Variants in ZIC4 observed in about 807,000 individuals in gnomAD.
ZIC4 encodes the protein Zic family zinc finger 4.
Under a neutral mutation model 28.8 loss-of-function variants are expected in ZIC4, and 15 were observed. The ratio of observed to expected loss-of-function variants is 0.52; its 90% CI spans 0.35 to 0.80. ZIC4 has a LOEUF of 0.80. ZIC4 is among the 30% of genes least tolerant of loss of function. The pLI, the probability that ZIC4 is intolerant of heterozygous loss-of-function variation, is 0.01. For synonymous variants in ZIC4, 220 were observed against 198.1 expected, an observed-to-expected ratio of 1.11 and a Z score of -0.93; for missense variants, 512 against 467.1, an observed-to-expected ratio of 1.10 and a Z score of -0.89.
intron 1 of ZIC4, chr3:147,405,512 C>T: frequency 6.5e-7 from 1 of 1,528,746 alleles, no homozygotes; most frequent in South Asian, 1.2e-5. Context: ...CCAGTCCTAG[C>T]TTTCTTTCAC....
chr3:147,395,990 G>T lies in ZIC4; in HGVS notation c.550C>A (p.Pro184Thr), dbSNP rs746961837. The change falls in exon 3 of 5, where the codon CCC (proline) becomes ACC (threonine). Residue 184 changes from proline to threonine, a missense_variant. Around this residue, in one of 3 missense-constraint regions of ZIC4, gnomAD observed 310 missense variants for 256.5 expected, o/e 1.21. Coordinates refer to ENST00000383075, the MANE Select transcript of ZIC4 (RefSeq NM_032153.6). ...FWEECPRQGK[P>T]FKAKYKLVNH... ...ACAAGTTTGTATTTGGCTTTGAAGG[G>T]CTTTCCCTGGCGCGGACACTCCTCC... is the stretch of plus-strand genomic sequence containing the variant. The T allele has an allele frequency of 6.2e-7, 1 of 1,614,138 alleles. No individual in the cohort carries two copies. Among genetic ancestry groups the T allele is most frequent in the Admixed American group, 1.7e-5 (1 of 60,006 alleles).
intron 2 of ZIC4, among the ~76,000 whole-genome samples, chr3:147,398,802 TTGAC>T (rs1210636925): frequency 1.3e-5 from 2 of 152,214 alleles, no homozygotes; most frequent in African/African-American, 4.8e-5. Context: ...TGAATAGAAA[TTGAC>T]TGAACTGCCC....
At chr3:147,389,433 A>AACCT (rs1436408481) in intron 4 of ZIC4, 1 of 152,370 alleles carries the variant, frequency 6.6e-6, no homozygotes, top group Admixed American at 6.5e-5. Flanking sequence ...CCAGAGAGAA[A>AACCT]ACCTACCTCC....
At chr3:147,391,334 C>T in intron 3 of ZIC4, 88 bp from the exon 4 acceptor site, 1 of 1,418,054 alleles carries the variant, frequency 7.1e-7, no homozygotes, top group Non-Finnish European at 9.4e-7. Context: ...CTCTCATTTT[C>T]TGGAAAAGAA....
intron 2 of ZIC4, among the ~76,000 whole-genome samples, chr3:147,402,262 C>G (rs1330150637): frequency 1.3e-5 from 2 of 152,226 alleles, no homozygotes; most frequent in Admixed American, 1.3e-4. Context: ...TTGCAGAAGG[C>G]TGGTATCCCT....
In ZIC4 at chr3:147,391,170, C is replaced by A. The variant is rs369536221; in HGVS notation, c.765G>T (p.Ser255=). The A allele has an allele frequency of 1.2e-6, 2 of 1,610,142 alleles. No homozygotes were observed. The highest frequency in any genetic ancestry group is 1.1e-5 in the South Asian group (1 of 90,996). ...FANSSDRKKH[S]HVHTSDKPYT... is the part of the protein sequence containing the mutation. ...ATGGCTTGTCGCTAGTGTGCACGTG[C>A]GAATGCTTCTTACGGTCGCTGCTGT... Residue 255 remains serine (S), a synonymous_variant, in exon 4 of 5, where the codon TCG becomes TCT. Transcript: ENST00000383075.
At chr3:147,405,447 T>G in intron 1 of ZIC4, 1 of 1,537,252 alleles carries the variant, frequency 6.5e-7, no homozygotes, top group South Asian at 1.2e-5. Flanking sequence ...TCCGCTTTCC[T>G]AAGACTTTGA....
intron 2 of ZIC4, chr3:147,397,163 C>A (rs2087066688): frequency 6.6e-6 from 1 of 152,040 alleles, no homozygotes; most frequent in Non-Finnish European, 1.5e-5. Context: ...AATGCCTACG[C>A]GAAATCCTGC....
At chr3:147,390,522 A>G (rs2086890034) in intron 4 of ZIC4, among the ~76,000 whole-genome samples, 1 of 152,200 alleles carries the variant, frequency 6.6e-6, no homozygotes, top group South Asian at 2.1e-4. Context: ...AGGATTGCAC[A>G]TAAATTCTCC....
At chr3:147,400,859 A>C (rs1460072087) in intron 2 of ZIC4, among the ~76,000 whole-genome samples, 1 of 149,498 alleles carries the variant, frequency 6.7e-6, no homozygotes, top group African/African-American at 2.4e-5. Context: ...AGTGCTCTTC[A>C]GATTTTTTTT....
intron 2 of ZIC4, among the ~76,000 whole-genome samples, chr3:147,400,148 A>G (rs908162829): frequency 6.6e-6 from 1 of 152,242 alleles, no homozygotes; most frequent in Non-Finnish European, 1.5e-5. Flanking sequence ...AGAAGAAAAC[A>G]CTAACTTTCC....
intron 2 of ZIC4, among the ~76,000 whole-genome samples, chr3:147,400,305 G>C (rs1004943060): frequency 6.6e-6 from 1 of 152,210 alleles, no homozygotes; most frequent in Non-Finnish European, 1.5e-5. Flanking sequence ...CACACTTTCT[G>C]TTAGTCACTT....
chr3:147,395,781 T>G, intron 3 of ZIC4, 71 bp downstream of exon 3: 1 of 1,544,748 alleles, frequency 6.5e-7, no homozygotes, highest in South Asian at 1.3e-5. Flanking sequence ...AGTTGGGACT[T>G]GAGGAAATCC....
At chr3:147,401,000 T>C (rs2087154725) in intron 2 of ZIC4, among the ~76,000 whole-genome samples, 1 of 152,190 alleles carries the variant, frequency 6.6e-6, no homozygotes, top group Non-Finnish European at 1.5e-5. Flanking sequence ...AAAGAGTATC[T>C]CACAACCCAC....
chr3:147,398,694 G>C (rs2087103842), intron 2 of ZIC4, among the ~76,000 whole-genome samples: 1 of 152,098 alleles, frequency 6.6e-6, no homozygotes, highest in Admixed American at 6.5e-5. Flanking sequence ...CCCCCAAACA[G>C]AGAAAGGCTT....
rs962113161 is a variant in ZIC4, at chr3:147,386,503, C to G, written c.*2356G>C. The G allele has an allele frequency of 7.2e-5, 11 of 152,732 alleles. No individual in the cohort carries two copies. Among genetic ancestry groups the G allele is most frequent in the Admixed American group, 2.0e-4 (3 of 15,298 alleles). The allele number at this position is 152,732 out of a possible 1,614,324, so 9.5% of individuals were successfully genotyped here. On this transcript the variant is annotated 3_prime_UTR_variant, in exon 5 of 5. Coordinates refer to ENST00000383075, the MANE Select transcript of ZIC4 (RefSeq NM_032153.6). ...AATCAATATCAGGAAGAACATTTTGCAGCAACTATAATAACAGCATGGGTT... is the reference window on the plus strand; with the variant it reads ...AATCAATATCAGGAAGAACATTTTGGAGCAACTATAATAACAGCATGGGTT...
intron 2 of ZIC4, among the ~76,000 whole-genome samples, chr3:147,399,897 C>T (rs2087129955): frequency 6.6e-6 from 1 of 152,088 alleles, no homozygotes; most frequent in African/African-American, 2.4e-5. Flanking sequence ...AACTCTTGAC[C>T]TCAGGTGACC....
intron 3 of ZIC4, 131 bp from the exon 4 acceptor site, chr3:147,391,377 G>A: frequency 8.0e-7 from 1 of 1,250,954 alleles, no homozygotes; most frequent in Non-Finnish European, 1.1e-6. Context: ...CCTTTCCACG[G>A]CGCCTCAGGT....
intron 3 of ZIC4, chr3:147,392,047 A>C: frequency 1.0e-6 from 1 of 985,456 alleles, no homozygotes; most frequent in Non-Finnish European, 1.2e-6. Flanking sequence ...CTTCCTGGAG[A>C]CCGTGCTGTG....
Sources: allele counts gnomAD v4.1 joint callset (sites outside exome capture counted in the v4.1 genomes callset), GRCh38; gene constraint gnomAD v4.1.1; regional missense constraint gnomAD v4.1.1; transcripts MANE v1.5; gene names NCBI Gene and HGNC (gene_info 2026-07-23, HGNC 2026-07-21).